SYN3: variants seen among roughly 807,000 people sequenced by gnomAD.
The protein encoded by SYN3 is synapsin III.
SYN3 carries 35 observed loss-of-function variants against 65.8 expected under a neutral mutation model. The observed-to-expected ratio is 0.53, with a 90% CI of 0.41 to 0.70. The LOEUF is 0.70. Among genes scored for constraint, SYN3 ranks in the 30% least tolerant of loss-of-function variants. SYN3 has a pLI of 0.00. For missense variants in SYN3, 680 were observed against 749.0 expected, an observed-to-expected ratio of 0.91 and a Z score of 1.08; for synonymous variants, 270 against 292.9, an observed-to-expected ratio of 0.92 and a Z score of 0.80.
In SYN3 at chr22:32,604,484, C is replaced by G. The variant is rs550137487; in HGVS notation, c.712-7748G>C. Among the ~76,000 whole-genome samples the G allele has an allele frequency of 1.3e-4, 20 of 150,774 alleles. 1 individual carries two copies. Among genetic ancestry groups the G allele is most frequent in the Admixed American group, 1.3e-3 (20 of 15,108 alleles). The stretch of plus-strand genomic sequence containing the variant: ...CTGTTCCCTGTTTCCCTGAGATACC[C>G]TCCCTCACACTCTTTTCTAGGCCAA... On this transcript the variant is annotated intron_variant, in intron 6 of 13. Transcript: ENST00000358763.
chr22:32,938,092 T>A (rs1442709651), intron 3 of SYN3, among the ~76,000 whole-genome samples: 1 of 152,072 alleles, frequency 6.6e-6, no homozygotes, highest in African/African-American at 2.4e-5. Flanking sequence ...AAACCAGTGG[T>A]GAAGAGAAAA....
At chr22:32,784,586 C>T (rs1362026832) in intron 6 of SYN3, among the ~76,000 whole-genome samples, 1 of 152,172 alleles carries the variant, frequency 6.6e-6, no homozygotes, top group Non-Finnish European at 1.5e-5. Flanking sequence ...TAAGCCATGT[C>T]CAGACTCTTG....
chr22:32,531,018 T>C (rs1000861330), intron 10 of SYN3, among the ~76,000 whole-genome samples: 3 of 151,654 alleles, frequency 2.0e-5, no homozygotes, highest in Non-Finnish European at 2.9e-5. Flanking sequence ...CTCCTCCCCA[T>C]AGAAGCACTT....
intron 4 of SYN3, among the ~76,000 whole-genome samples, chr22:32,929,254 C>T (rs990392019): frequency 2.0e-5 from 3 of 152,280 alleles, no homozygotes; most frequent in African/African-American, 7.2e-5. Context: ...TGCACTCCAG[C>T]CTGGGCAACA....
intron 6 of SYN3, among the ~76,000 whole-genome samples, chr22:32,654,922 T>C (rs2060121769): frequency 6.6e-6 from 1 of 152,224 alleles, no homozygotes; most frequent in Admixed American, 6.5e-5. Context: ...TCTTCTACTG[T>C]TGTCAGCTCT....
intron 1 of SYN3, among the ~76,000 whole-genome samples, chr22:33,028,661 G>GTGGTGA (rs2053683169): frequency 1.8e-5 from 2 of 113,776 alleles, no homozygotes; most frequent in Non-Finnish European, 3.6e-5. Flanking sequence ...GGTGGTGGTG[G>GTGGTGA]TGGTGGTGGT....
At chr22:32,724,358 C>T (rs1171393638) in intron 6 of SYN3, among the ~76,000 whole-genome samples, 4 of 152,166 alleles carry the variant, frequency 2.6e-5, no homozygotes, top group Non-Finnish European at 5.9e-5. Context: ...TCCCATGTAT[C>T]TGGGACTACA....
chr22:32,616,038 C>T (rs1215998411), intron 6 of SYN3, among the ~76,000 whole-genome samples: 3 of 152,188 alleles, frequency 2.0e-5, no homozygotes, highest in Admixed American at 2.0e-4. Flanking sequence ...CCTGAAGTTC[C>T]CAGGGAATGC....
intron 6 of SYN3, among the ~76,000 whole-genome samples, chr22:32,620,322 T>C (rs1027321839): frequency 6.6e-6 from 1 of 152,232 alleles, no homozygotes; most frequent in Non-Finnish European, 1.5e-5. Flanking sequence ...AAAAACTTTT[T>C]TTTTAATACA....
chr22:32,576,163 G>A (rs1052495408), intron 7 of SYN3, among the ~76,000 whole-genome samples: 2 of 152,022 alleles, frequency 1.3e-5, no homozygotes, highest in Non-Finnish European at 2.9e-5. Flanking sequence ...ATATCCACAG[G>A]GCTCCCAAGT....
chr22:33,005,135 G>A (rs1250374521), intron 2 of SYN3, among the ~76,000 whole-genome samples: 2 of 152,216 alleles, frequency 1.3e-5, no homozygotes, highest in Non-Finnish European at 2.9e-5. Context: ...ACGTGGAACT[G>A]TGAGTTGATT....
chr22:32,828,740 G>A (rs1229493484), intron 6 of SYN3, among the ~76,000 whole-genome samples: 2 of 152,216 alleles, frequency 1.3e-5, no homozygotes, highest in Non-Finnish European at 2.9e-5. Flanking sequence ...CCGGTTCTGG[G>A]AGACTGAGCT....
chr22:32,572,276 T>TTCCTTCCTTTCCTTCCCTCCTTCCC (rs1433691912), intron 7 of SYN3, among the ~76,000 whole-genome samples: 1 of 83,530 alleles, frequency 1.2e-5, no homozygotes, highest in African/African-American at 5.2e-5. Context: ...CCTTCCCCCC[T>TTCCTTCCTTTCCTTCCCTCCTTCCC]CCCTCCCTCC....
chr22:32,814,405 A>G (rs901923483), intron 6 of SYN3, among the ~76,000 whole-genome samples: 1 of 150,292 alleles, frequency 6.7e-6, no homozygotes. Context: ...AGCTGAGCTT[A>G]ATGAGAAAAG....
intron 6 of SYN3, among the ~76,000 whole-genome samples, chr22:32,734,317 C>T (rs745652023): frequency 3.5e-4 from 53 of 152,330 alleles, no homozygotes; most frequent in African/African-American, 1.1e-3. Context: ...GCTCTATCAT[C>T]TTAACCACCA....
chr22:33,034,753 C>T (rs1397067594), intron 1 of SYN3, among the ~76,000 whole-genome samples: 1 of 152,176 alleles, frequency 6.6e-6, no homozygotes, highest in Non-Finnish European at 1.5e-5. Context: ...GAAACCGAAG[C>T]TCAGGGGGCT....
intron 6 of SYN3, among the ~76,000 whole-genome samples, chr22:32,828,082 G>A (rs1569256752): frequency 6.6e-6 from 1 of 152,224 alleles, no homozygotes; most frequent in Non-Finnish European, 1.5e-5. Context: ...GGAGAGTAGA[G>A]ACCTTGTTGG....
intron 6 of SYN3, among the ~76,000 whole-genome samples, chr22:32,840,681 C>T (rs2047873361): frequency 6.6e-6 from 1 of 152,140 alleles, no homozygotes; most frequent in Non-Finnish European, 1.5e-5. Context: ...ACTTCTTCCT[C>T]CTCTGGATTC....
intron 6 of SYN3, among the ~76,000 whole-genome samples, chr22:32,846,010 C>T (rs565840293): frequency 1.3e-5 from 2 of 152,248 alleles, no homozygotes; most frequent in South Asian, 4.1e-4. Flanking sequence ...GCCAGCAATT[C>T]TACTTTGGAA....
Sources: gnomAD v4.1 joint callset for allele counts (sites outside exome capture counted in the v4.1 genomes callset) on GRCh38, gnomAD v4.1.1 for gene constraint, MANE v1.5 for transcripts, NCBI Gene and HGNC (gene_info 2026-07-23, HGNC 2026-07-21) for gene names.